The following NPM3 variants were observed in gnomAD, a reference collection of about 807,000 sequenced individuals.
NPM3 encodes the protein nucleoplasmin-3.
A neutral mutation model predicts 18.1 loss-of-function variants in NPM3; 12 were observed. The ratio of observed to expected loss-of-function variants is 0.66; its 90% CI spans 0.42 to 1.07. The LOEUF (loss-of-function observed/expected upper bound fraction) is 1.07. NPM3 is among the 50% of genes least tolerant of loss of function. The probability of loss-of-function intolerance (pLI) is 0.00; values close to 1 mark genes in which losing one functional copy is unlikely to be tolerated. For synonymous variants in NPM3, 116 were observed against 93.7 expected, an observed-to-expected ratio of 1.24 and a Z score of -1.38; for missense variants, 274 against 232.1, an observed-to-expected ratio of 1.18 and a Z score of -1.17.
At chr10:101,783,379 A>G (rs1431501167) in exon 1 of NPM3, 2 of 1,608,580 alleles carry the variant, frequency 1.2e-6, no homozygotes. Context: ...CAGCTGCAGT[A>G]CCGGCGGCCA....
exon 1 of NPM3, chr10:101,783,377 G>C (rs1191855050): frequency 1.2e-6 from 2 of 1,609,280 alleles, no homozygotes; most frequent in South Asian, 2.2e-5. Context: ...GGCAGCTGCA[G>C]TACCGGCGGC....
chr10:101,781,678 TCTC>T, intron 5 of NPM3, 46 bp from the exon 6 acceptor site: 1 of 1,592,592 alleles, frequency 6.3e-7, no homozygotes, highest in South Asian at 1.1e-5. Flanking sequence ...CTCACCTGCT[TCTC>T]CTGCCCCTTC....
chr10:101,782,538 G>C (rs2065149812), exon 3 of NPM3: 11 of 1,613,904 alleles, frequency 6.8e-6, no homozygotes, highest in Non-Finnish European at 9.3e-6. Flanking sequence ...GATGGTCATG[G>C]TTCCGGGCCA....
chr10:101,782,942 G>A lies in NPM3; in HGVS notation c.119-18C>T, dbSNP rs2065154220. ...CTCACAGCCTGGTAGAAATAACAGTGAGTATGCCTGAGCGTGTGTACGGGG... is the reference window on the plus strand; with the variant it reads ...CTCACAGCCTGGTAGAAATAACAGTAAGTATGCCTGAGCGTGTGTACGGGG... On this transcript the variant is annotated intron_variant, in intron 1 of 5. Transcript: ENST00000370110. 1 of 1,611,236 alleles carries A rather than the reference G, an allele frequency of 6.2e-7. No homozygotes were observed. The highest frequency in any genetic ancestry group is 8.5e-7 in the Non-Finnish European group (1 of 1,178,014).
chr10:101,783,023 G>A, intron 1 of NPM3, 99 bp from the exon 2 acceptor site: 1 of 1,098,326 alleles, frequency 9.1e-7, no homozygotes, highest in Middle Eastern at 2.2e-4. Flanking sequence ...GGGCGGACGG[G>A]TCATTTACAC....
chr10:101,782,697 G>C (rs2065151288), intron 2 of NPM3, 100 bp from the exon 3 acceptor site: 2 of 1,591,878 alleles, frequency 1.3e-6, no homozygotes, highest in South Asian at 2.2e-5. Flanking sequence ...AGAGGTCCCG[G>C]TTCACCTGGC....
intron 4 of NPM3, 111 bp downstream of exon 4, chr10:101,782,147 T>TA (rs1314927067): frequency 1.4e-5 from 15 of 1,039,098 alleles, no homozygotes; most frequent in Non-Finnish European, 2.0e-5. Flanking sequence ...CACAGACCTG[T>TA]ACAGGGCTGC....
chr10:101,781,774 G>A (rs1473043233), exon 5 of NPM3: 1 of 1,614,024 alleles, frequency 6.2e-7, no homozygotes, highest in African/African-American at 1.3e-5. Context: ...GGAAGGATGG[G>A]GCACAGCTCA....
At chr10:101,781,810 C>G in exon 5 of NPM3, 1 of 1,614,168 alleles carries the variant, frequency 6.2e-7, no homozygotes, top group African/African-American at 1.3e-5. Flanking sequence ...CTGTCCTCTT[C>G]CTCTTCCTCG....
exon 1 of NPM3, chr10:101,783,281 A>G: frequency 6.2e-7 from 1 of 1,604,804 alleles, no homozygotes; most frequent in Non-Finnish European, 8.5e-7. Flanking sequence ...ACCGAAGAAA[A>G]AACTGTCCAT....
intron 1 of NPM3, 61 bp downstream of exon 1, chr10:101,783,212 G>T: frequency 1.6e-6 from 2 of 1,259,374 alleles, no homozygotes; most frequent in South Asian, 1.4e-5. Context: ...CCGCATTCCC[G>T]CCTCACATCC....
Position 101,782,843 on chromosome 10 carries a change from G to GT in NPM3, c.199dup (p.Thr67AsnfsTer14), listed in dbSNP as rs746086426. ...CCCCACTCCCCTGCCCCTCACCATG[G>GT]TTAGTGCCAGCACGTGCTCCGCATC... On this transcript the variant is annotated frameshift_variant, in exon 2 of 6. Coordinates refer to ENST00000370110, the Ensembl canonical transcript of NPM3. LOFTEE classifies it high-confidence loss of function. 2.3e-5 allele frequency: 37 copies of GT among 1,613,968 alleles called. No homozygotes were observed. Among genetic ancestry groups the GT allele is most frequent in the Non-Finnish European group, 2.5e-5 (29 of 1,179,998 alleles).
chr10:101,783,299 G>A (rs1026183460), exon 1 of NPM3: 3 of 1,610,326 alleles, frequency 1.9e-6, no homozygotes, highest in South Asian at 1.1e-5. Flanking sequence ...CATAGTGACC[G>A]GGGCCGGGAC....
exon 3 of NPM3, chr10:101,782,592 G>A: frequency 6.2e-7 from 1 of 1,613,832 alleles, no homozygotes; most frequent in Non-Finnish European, 8.5e-7. Context: ...CCTCGGTGAG[G>A]CAGAGCTGGG....
Position 101,782,281 on chromosome 10 carries a change from C to T in NPM3, c.395G>A (p.Arg132Gln), listed in dbSNP as rs746048754. 2.7e-5 allele frequency: 43 copies of T among 1,613,726 alleles called. No individual in the cohort carries two copies. The highest frequency in any genetic ancestry group is 3.0e-5 in the Non-Finnish European group (35 of 1,179,902). Residue 132 changes from arginine to glutamine, a missense_variant, in exon 4 of 6, where the codon CGG (arginine) becomes CAG (glutamine). Transcript: ENST00000370110. ...ACCAATCTGGTGCCGCCCAGTGATC[C>T]GCACAGGGCCAGAGCCCGACTTCAG... is the stretch of plus-strand genomic sequence containing the variant.
chr10:101,782,038 T>C (rs1038809969), intron 4 of NPM3, among the ~76,000 whole-genome samples, 184 bp from the exon 5 acceptor site: 28 of 152,150 alleles, frequency 1.8e-4, no homozygotes, highest in African/African-American at 4.8e-4. Flanking sequence ...GTCTTCATTA[T>C]TGGAGCTGGA....
chr10:101,783,060 C>T, intron 1 of NPM3, 136 bp from the exon 2 acceptor site: 1 of 841,170 alleles, frequency 1.2e-6, no homozygotes, highest in East Asian at 2.6e-5. Context: ...TCTCTCAGAA[C>T]ACCTGGGACG....
intron 1 of NPM3, 110 bp from the exon 2 acceptor site, chr10:101,783,034 G>T (rs1280733513): frequency 1.1e-6 from 1 of 936,710 alleles, no homozygotes; most frequent in Non-Finnish European, 1.6e-6. Flanking sequence ...TCATTTACAC[G>T]TCCACCTCCG....
chr10:101,782,711 G>C (rs369909216), intron 2 of NPM3, 114 bp from the exon 3 acceptor site: 2 of 1,583,632 alleles, frequency 1.3e-6, no homozygotes. Flanking sequence ...ACCTGGCCAG[G>C]GGAGCCGCCC....
Sources: gnomAD v4.1 joint callset for allele counts (sites outside exome capture counted in the v4.1 genomes callset) on GRCh38, gnomAD v4.1.1 for gene constraint, MANE v1.5 for transcripts, NCBI Gene and HGNC (gene_info 2026-07-23, HGNC 2026-07-21) for gene names.